The following SORCS3 variants were observed in gnomAD, a reference collection of about 807,000 sequenced individuals.
The protein encoded by SORCS3 is VPS10 domain-containing receptor SorCS3.
SORCS3 carries 57 observed loss-of-function variants against 146.3 expected under a neutral mutation model. That is an observed-to-expected ratio of 0.39 (90% CI 0.31 to 0.49). The LOEUF (loss-of-function observed/expected upper bound fraction) is 0.49, where lower values mean the gene tolerates loss of function less well. Ranked by LOEUF, SORCS3 falls within the 20% of genes least tolerant of loss-of-function variation. SORCS3 has a pLI of 0.92. For synonymous variants in SORCS3, 653 were observed against 618.5 expected, an observed-to-expected ratio of 1.06 and a Z score of -0.83; for missense variants, 1,341 against 1,575.5, an observed-to-expected ratio of 0.85 and a Z score of 2.52.
intron 4 of SORCS3, among the ~76,000 whole-genome samples, chr10:104,979,585 A>T (rs2054921279): frequency 6.8e-6 from 1 of 147,690 alleles, no homozygotes; most frequent in South Asian, 2.1e-4. Flanking sequence ...GTGTGTGTGC[A>T]TGCGATCATG....
Position 104,915,913 on chromosome 10 carries a change from A to G in SORCS3, c.776A>G (p.Asn259Ser). ...LKTVLSYLYVNPTNKRKIMLL... is the reference protein window; with the variant it reads ...LKTVLSYLYVSPTNKRKIMLL... ...ACTGTCCTCAGTTACCTCTATGTCA[A>G]TCCAACCAACAAAAGGAAGGTAAGA... The change falls in exon 3 of 27, where the codon AAT becomes AGT. Residue 259 changes from asparagine (N) to serine (S), a missense_variant. By Grantham distance (46) the Asn-to-Ser change is conservative (BLOSUM62 1). Transcript: ENST00000369701. 5.0e-6 allele frequency: 8 copies of G among 1,614,012 alleles called. No individual in the cohort carries two copies. Among genetic ancestry groups the G allele is most frequent in the Non-Finnish European group, 6.8e-6 (8 of 1,179,930 alleles).
At chr10:105,018,143 G>A (rs2133686426) in intron 4 of SORCS3, among the ~76,000 whole-genome samples, 1 of 152,332 alleles carries the variant, frequency 6.6e-6, no homozygotes, top group East Asian at 1.9e-4. Flanking sequence ...TTGTGCCAGT[G>A]TTGCTGTCTT....
intron 16 of SORCS3, among the ~76,000 whole-genome samples, chr10:105,206,119 G>A (rs762297624): frequency 1.3e-5 from 2 of 152,120 alleles, no homozygotes; most frequent in Non-Finnish European, 2.9e-5. Flanking sequence ...GCACAAGCAA[G>A]GATGTGTTTC....
intron 1 of SORCS3, among the ~76,000 whole-genome samples, chr10:104,673,713 T>C (rs917546622): frequency 2.6e-5 from 4 of 152,108 alleles, no homozygotes; most frequent in Non-Finnish European, 5.9e-5. Flanking sequence ...TGGCCTCCTA[T>C]AGTGTTGAGA....
At chr10:105,188,105 A>C (rs1375338253) in intron 14 of SORCS3, among the ~76,000 whole-genome samples, 2 of 152,190 alleles carry the variant, frequency 1.3e-5, no homozygotes, top group Non-Finnish European at 1.5e-5. Context: ...TAACTTCCAA[A>C]GATTCTAACC....
intron 7 of SORCS3, among the ~76,000 whole-genome samples, chr10:105,128,062 G>T (rs763715751): frequency 2.6e-5 from 4 of 152,162 alleles, no homozygotes; most frequent in Non-Finnish European, 5.9e-5. Flanking sequence ...AATACCCGAT[G>T]CATGTCAGTT....
At chr10:105,005,063 C>T (rs1035859495) in intron 4 of SORCS3, among the ~76,000 whole-genome samples, 2 of 152,208 alleles carry the variant, frequency 1.3e-5, no homozygotes, top group Non-Finnish European at 2.9e-5. Flanking sequence ...GTTACTCAAA[C>T]TTTCTCATTC....
At chr10:105,092,051 C>T (rs974578447) in intron 6 of SORCS3, among the ~76,000 whole-genome samples, 3 of 152,176 alleles carry the variant, frequency 2.0e-5, no homozygotes, top group Non-Finnish European at 2.9e-5. Context: ...TTCGTGAGCT[C>T]AGGCTTAAGA....
chr10:104,842,978 T>A, intron 2 of SORCS3, 119 bp downstream of exon 2: 1 of 785,024 alleles, frequency 1.3e-6, no homozygotes, highest in East Asian at 2.5e-5. Flanking sequence ...TCCTGGAAGC[T>A]CATGTTAATG....
At chr10:104,682,809 G>A (rs1589456130) in intron 1 of SORCS3, among the ~76,000 whole-genome samples, 1 of 152,350 alleles carries the variant, frequency 6.6e-6, no homozygotes, top group East Asian at 1.9e-4. Flanking sequence ...GGTACCAGGA[G>A]GAAGGTTGGG....
At chr10:105,046,260 A>G (rs1003754008) in intron 5 of SORCS3, among the ~76,000 whole-genome samples, 1 of 152,104 alleles carries the variant, frequency 6.6e-6, no homozygotes, top group Non-Finnish European at 1.5e-5. Flanking sequence ...AAATATTACA[A>G]ATAACAATAT....
intron 1 of SORCS3, among the ~76,000 whole-genome samples, chr10:104,823,094 C>A (rs1208823028): frequency 6.6e-6 from 1 of 152,118 alleles, no homozygotes; most frequent in Non-Finnish European, 1.5e-5. Context: ...AGGAAAGGAG[C>A]CTCTCCAAAG....
chr10:105,092,748 C>A (rs183913201), intron 6 of SORCS3, among the ~76,000 whole-genome samples: 1 of 151,664 alleles, frequency 6.6e-6, no homozygotes, highest in East Asian at 1.9e-4. Context: ...AGCTAATTGG[C>A]GATAGGAAAA....
intron 5 of SORCS3, among the ~76,000 whole-genome samples, chr10:105,087,214 G>A (rs1433063450): frequency 6.6e-6 from 1 of 152,058 alleles, no homozygotes; most frequent in Non-Finnish European, 1.5e-5. Flanking sequence ...TTTTTGTCAG[G>A]TTTGTTGAAG....
intron 1 of SORCS3, among the ~76,000 whole-genome samples, chr10:104,676,531 G>T (rs2015915192): frequency 6.6e-6 from 1 of 152,196 alleles, no homozygotes; most frequent in Non-Finnish European, 1.5e-5. Flanking sequence ...GAGAATAAAA[G>T]AATTTTTGGG....
intron 14 of SORCS3, among the ~76,000 whole-genome samples, chr10:105,181,823 T>A (rs191980576): frequency 2.6e-5 from 4 of 152,288 alleles, no homozygotes; most frequent in Middle Eastern, 3.4e-3. Flanking sequence ...GATGATGAGA[T>A]GCCTGTGGCT....
intron 22 of SORCS3, among the ~76,000 whole-genome samples, chr10:105,250,281 G>T (rs1435998643): frequency 2.6e-5 from 4 of 152,070 alleles, no homozygotes; most frequent in Non-Finnish European, 4.4e-5. Flanking sequence ...AATGGGGGTG[G>T]GGGGTGCAAA....
intron 1 of SORCS3, among the ~76,000 whole-genome samples, chr10:104,723,316 C>T (rs1589473233): frequency 6.6e-6 from 1 of 152,054 alleles, no homozygotes; most frequent in Non-Finnish European, 1.5e-5. Flanking sequence ...TCCTGAGTTC[C>T]AGTTTGATTG....
At chr10:105,017,576 T>A (rs765472016) in intron 4 of SORCS3, among the ~76,000 whole-genome samples, 1 of 152,164 alleles carries the variant, frequency 6.6e-6, no homozygotes, top group African/African-American at 2.4e-5. Context: ...ATTAGTAGTA[T>A]TATTATTGGA....
Sources: gnomAD v4.1 joint callset for allele counts (sites outside exome capture counted in the v4.1 genomes callset) on GRCh38, gnomAD v4.1.1 for gene constraint, MANE v1.5 for transcripts, NCBI Gene and HGNC (gene_info 2026-07-23, HGNC 2026-07-21) for gene names.